IL10RB: variants seen among roughly 807,000 people sequenced by gnomAD.
IL10RB encodes the protein interleukin 10 receptor subunit beta.
A neutral mutation model predicts 38.7 loss-of-function variants in IL10RB; 30 were observed. The ratio of observed to expected loss-of-function variants is 0.78; its 90% confidence interval spans 0.58 to 1.05. IL10RB has a LOEUF of 1.05. Ranked by LOEUF, IL10RB falls within the 50% of genes least tolerant of loss-of-function variation. IL10RB has a pLI of 0.00. For synonymous variants in IL10RB, 142 were observed against 145.9 expected (o/e 0.97, Z 0.19); for missense variants, 328 against 397.1 (o/e 0.83, Z 1.48).
At chr21:33,276,511 C>A (rs753939533) in intron 2 of IL10RB, 85 bp from the exon 3 acceptor site, 57 of 1,065,622 alleles carry the variant, frequency 5.3e-5, no homozygotes, top group Non-Finnish European at 6.6e-5. Flanking sequence ...CCCGCGCCGC[C>A]CCCCCCTCCA....
downstream of IL10RB, among the ~76,000 whole-genome samples, chr21:33,300,625 C>T (rs2123611501): frequency 6.6e-6 from 1 of 152,276 alleles, no homozygotes; most frequent in African/African-American, 2.4e-5. Flanking sequence ...CCAGATGCTA[C>T]AGTCTGGATG....
intron 4 of IL10RB, among the ~76,000 whole-genome samples, chr21:33,281,056 C>T (rs887241097): frequency 6.6e-6 from 1 of 152,196 alleles, no homozygotes; most frequent in Admixed American, 6.5e-5. Context: ...TGAGCACTGG[C>T]GTGCTCTGCC....
intron 5 of IL10RB, among the ~76,000 whole-genome samples, chr21:33,286,104 C>T (rs1375113688): frequency 1.3e-5 from 2 of 152,106 alleles, no homozygotes; most frequent in African/African-American, 2.4e-5. Flanking sequence ...GGGTTGGGGG[C>T]GGCACAAGTG....
chr21:33,281,957 C>G (rs1989287966), intron 4 of IL10RB, among the ~76,000 whole-genome samples: 1 of 152,146 alleles, frequency 6.6e-6, no homozygotes, highest in East Asian at 1.9e-4. Context: ...GGTCCCTCTA[C>G]TACTATGCCA....
intron 5 of IL10RB, among the ~76,000 whole-genome samples, chr21:33,286,726 G>A (rs1371456178): frequency 6.6e-6 from 1 of 152,064 alleles, no homozygotes; most frequent in Non-Finnish European, 1.5e-5. Flanking sequence ...GGTGACACAT[G>A]CCTGTCGTCC....
chr21:33,303,517 G>A (rs951077920), intron 1 of IL10RB, among the ~76,000 whole-genome samples: 8 of 152,074 alleles, frequency 5.3e-5, no homozygotes, highest in African/African-American at 9.7e-5. Context: ...ACCATGCCTA[G>A]CTAACTTTTG....
rs746070714 is a variant in IL10RB at position 33,296,231 on chromosome 21, A to G, written c.852A>G (p.Pro284=). 6.2e-7 allele frequency: 1 copy of G among 1,614,020 alleles called. No individual in the cohort carries two copies. Among genetic ancestry groups the G allele is most frequent in the Non-Finnish European group, 8.5e-7 (1 of 1,179,968 alleles). Residue 284 remains proline (P), a synonymous_variant, in exon 7 of 7, where the codon CCA becomes CCG. Coordinates refer to ENST00000290200, the MANE Select transcript of IL10RB (RefSeq NM_000628.5). ...HHNTLLFFSF[P]LSDENDVFDK... ...ACACACTTCTGTTTTTCTCCTTTCC[A>G]TTGTCGGATGAGAATGATGTTTTTG...
At chr21:33,293,053 G>T (rs1158565342) in intron 6 of IL10RB, among the ~76,000 whole-genome samples, 1 of 152,206 alleles carries the variant, frequency 6.6e-6, no homozygotes, top group Non-Finnish European at 1.5e-5. Context: ...GGTGGGAGGG[G>T]CAAGATACAA....
intron 6 of IL10RB, among the ~76,000 whole-genome samples, chr21:33,292,441 T>C (rs537851122): frequency 6.6e-6 from 1 of 152,268 alleles, no homozygotes; most frequent in Admixed American, 6.5e-5. Context: ...GGTCATCATG[T>C]GAGCAGACAC....
chr21:33,301,122 C>T (rs7283754), downstream of IL10RB, among the ~76,000 whole-genome samples: 30,804 of 152,124 alleles, frequency 0.2, 3,222 homozygotes, highest in East Asian at 0.39. Flanking sequence ...GGGCATGCTG[C>T]CTCACTGTCC....
intron 6 of IL10RB, chr21:33,294,233 C>A: frequency 3.0e-6 from 1 of 332,504 alleles, no homozygotes; most frequent in Non-Finnish European, 6.0e-6. Context: ...CAGCTTGACT[C>A]ATAATGATAG....
intron 1 of IL10RB, among the ~76,000 whole-genome samples, chr21:33,306,939 C>T (rs966810378): frequency 5.9e-5 from 9 of 152,028 alleles, no homozygotes; most frequent in Non-Finnish European, 1.2e-4. Flanking sequence ...GGGAGCTAAG[C>T]GCCTGGTAAC....
Position 33,296,043 on chromosome 21 carries a change from CAAAAA to C in IL10RB, c.805-138_805-134del, listed in dbSNP as rs1404467127. ...TGGGTGACAGAGCAAGACTCTGTCT[CAAAAA>C]AATAAAATAAACATTAAAAATAAAT... On this transcript the variant is annotated intron_variant, in intron 6 of 6. Transcript: ENST00000290200. 6 of 496,680 alleles carry C rather than the reference CAAAAA, an allele frequency of 1.2e-5. No homozygotes were observed. In the African/African-American group the frequency reaches 1.2e-4, roughly 10 times the overall value. 30.8% of individuals were successfully genotyped at this position (496,680 alleles called of 1,614,324 possible). A position where few individuals can be genotyped will look rare whatever the true frequency, so the allele number is the denominator to read the frequency against.
At chr21:33,302,748 A>T (rs2082989018) in intron 1 of IL10RB, among the ~76,000 whole-genome samples, 1 of 152,140 alleles carries the variant, frequency 6.6e-6, no homozygotes, top group Non-Finnish European at 1.5e-5. Context: ...GGCAAGAAGA[A>T]AGTCGAGGGG....
intron 1 of IL10RB, among the ~76,000 whole-genome samples, chr21:33,307,159 C>T (rs1191630131): frequency 1.3e-5 from 2 of 152,168 alleles, no homozygotes; most frequent in African/African-American, 2.4e-5. Flanking sequence ...TGGAGACAAA[C>T]GTGACTGCAT....
At chr21:33,268,036 T>A (rs1198414055) in intron 1 of IL10RB, 2 of 376,752 alleles carry the variant, frequency 5.3e-6, no homozygotes, top group Non-Finnish European at 9.9e-6. Context: ...AAAATGGACA[T>A]TGACCTCAGC....
At position 33,274,978 on chromosome 21, in the gene IL10RB, C is replaced by T. The variant is rs563308275; in HGVS notation, c.174-1618C>T. 1.2e-4 allele frequency among the ~76,000 whole-genome samples: 18 copies of T among 152,252 alleles called. No individual in the cohort carries two copies. In the South Asian group the frequency reaches 3.5e-3, roughly 30 times the overall value. ...AGGTTGTTTCATCTACATTAAAAAT[C>T]TGTTGTTTAGAGTATCCACCTTCAT... On this transcript the variant is annotated intron_variant, in intron 2 of 6. Transcript: ENST00000290200.
exon 2 of IL10RB, chr21:33,309,224 C>T (rs951468223): frequency 2.0e-5 from 3 of 152,214 alleles, no homozygotes; most frequent in African/African-American, 4.8e-5. Flanking sequence ...GGATGGATCA[C>T]CAATAACACC....
intron 2 of IL10RB, among the ~76,000 whole-genome samples, chr21:33,275,735 A>C (rs1254437070): frequency 6.6e-6 from 1 of 152,266 alleles, no homozygotes; most frequent in Non-Finnish European, 1.5e-5. Context: ...TGTGGCCTGC[A>C]ATATGCCTTC....
Sources: allele counts gnomAD v4.1 joint callset (sites outside exome capture counted in the v4.1 genomes callset), GRCh38; gene constraint gnomAD v4.1.1; transcripts MANE v1.5; gene names NCBI Gene and HGNC (gene_info 2026-07-23, HGNC 2026-07-21).